MDGA2: variants seen among roughly 807,000 people sequenced by gnomAD.
MDGA2 encodes the protein MAM domain-containing glycosylphosphatidylinositol anchor protein 2.
A neutral mutation model predicts 117.8 loss-of-function variants in MDGA2; 40 were observed. The ratio of observed to expected loss-of-function variants is 0.34; its 90% CI spans 0.26 to 0.44. The LOEUF (loss-of-function observed/expected upper bound fraction) is 0.44. Among genes scored for constraint, MDGA2 ranks in the 20% least tolerant of loss-of-function variants. MDGA2 has a pLI of 1.00. For synonymous variants in MDGA2, 452 were observed against 439.0 expected, an observed-to-expected ratio of 1.03 and a Z score of -0.37; for missense variants, 1,123 against 1,250.6, an observed-to-expected ratio of 0.90 and a Z score of 1.54.
At chr14:46,843,840 T>G (rs1006561910) in intron 16 of MDGA2, among the ~76,000 whole-genome samples, 2 of 152,182 alleles carry the variant, frequency 1.3e-5, no homozygotes, top group African/African-American at 4.8e-5. Context: ...CATGCTTTTG[T>G]ATGTGCTAAA....
At chr14:47,497,944 A>C (rs8020853) in intron 1 of MDGA2, among the ~76,000 whole-genome samples, 5,857 of 152,280 alleles carry the variant, frequency 0.038, 383 homozygotes, top group African/African-American at 0.13. Context: ...TTTAAAAATA[A>C]ATCACAAACA....
At chr14:47,282,706 A>C (rs557735269) in intron 2 of MDGA2, among the ~76,000 whole-genome samples, 3 of 149,060 alleles carry the variant, frequency 2.0e-5, no homozygotes, top group South Asian at 2.1e-4. Flanking sequence ...CAAAAAAAAA[A>C]ACAAAAAACA....
At chr14:47,341,575 T>C (rs939670789) in intron 1 of MDGA2, among the ~76,000 whole-genome samples, 1 of 152,204 alleles carries the variant, frequency 6.6e-6, no homozygotes, top group Non-Finnish European at 1.5e-5. Flanking sequence ...GTTACTTCAA[T>C]GCAAATAATA....
rs747120781 is a variant in MDGA2 at position 47,310,756 on chromosome 14, A to AAAAC, written c.281-9210_281-9207dup. On this transcript the variant is annotated intron_variant, in intron 1 of 16. Coordinates refer to ENST00000399232, the MANE Select transcript of MDGA2 (RefSeq NM_001113498.3). ...TCTTGGCAACTAGGTCATAGAGTATAAAACAAACAAACAAACAAGAAAGCT... is the reference window on the plus strand; with the variant it reads ...TCTTGGCAACTAGGTCATAGAGTATAAAACAAACAAACAAACAAACAAGAAAGCT... Among the ~76,000 whole-genome samples, 3 of 152,138 alleles carry AAAAC rather than the reference A, an allele frequency of 2.0e-5. No homozygotes were observed. The South Asian group carries it at 6.2e-4, about 31-fold the overall frequency.
intron 1 of MDGA2, among the ~76,000 whole-genome samples, chr14:47,374,933 T>G (rs186070301): frequency 2.4e-4 from 37 of 152,174 alleles, no homozygotes; most frequent in African/African-American, 8.9e-4. Flanking sequence ...TCCCTACAAC[T>G]AATCATTTAC....
At chr14:47,536,682 T>C (rs56086718) in intron 1 of MDGA2, among the ~76,000 whole-genome samples, 4 of 152,244 alleles carry the variant, frequency 2.6e-5, no homozygotes, top group Non-Finnish European at 1.5e-5. Context: ...TACTAACTTT[T>C]TTTTTCCTTT....
intron 9 of MDGA2, among the ~76,000 whole-genome samples, chr14:46,953,208 C>T (rs988065567): frequency 6.8e-6 from 1 of 146,812 alleles, no homozygotes; most frequent in Non-Finnish European, 1.5e-5. Flanking sequence ...AAATACATTC[C>T]TGACTGTAAA....
At chr14:47,389,615 CA>C (rs780348783) in intron 1 of MDGA2, among the ~76,000 whole-genome samples, 39,759 of 117,336 alleles carry the variant, frequency 0.34, 5,448 homozygotes, top group East Asian at 0.58. Flanking sequence ...CCCACACACA[CA>C]CACACACACA....
chr14:47,177,023 T>C (rs1594698086), intron 3 of MDGA2, among the ~76,000 whole-genome samples: 1 of 151,750 alleles, frequency 6.6e-6, no homozygotes, highest in African/African-American at 2.4e-5. Context: ...AAAGAAGACA[T>C]TTATGCAGCC....
At chr14:47,344,140 A>C (rs1890711295) in intron 1 of MDGA2, among the ~76,000 whole-genome samples, 1 of 152,118 alleles carries the variant, frequency 6.6e-6, no homozygotes, top group South Asian at 2.1e-4. Flanking sequence ...CATTTATCAA[A>C]AACATTTCTT....
At chr14:47,500,759 CAATTCATTA>C (rs1282798881) in intron 1 of MDGA2, among the ~76,000 whole-genome samples, 3 of 151,930 alleles carry the variant, frequency 2.0e-5, no homozygotes, top group African/African-American at 7.3e-5. Context: ...TTAATAGAAC[CAATTCATTA>C]CAACTGTAGT....
intron 1 of MDGA2, among the ~76,000 whole-genome samples, chr14:47,610,600 C>T (rs1375827534): frequency 3.3e-5 from 5 of 151,494 alleles, no homozygotes; most frequent in Admixed American, 2.0e-4. Context: ...ACAACAACAA[C>T]AAAAACTTAG....
chr14:46,998,531 T>C (rs1594510771), intron 8 of MDGA2, among the ~76,000 whole-genome samples: 1 of 152,158 alleles, frequency 6.6e-6, no homozygotes, highest in Non-Finnish European at 1.5e-5. Flanking sequence ...TTTGCATTTC[T>C]GAATCCAGTA....
At chr14:47,196,311 AG>A (rs1885287094) in intron 3 of MDGA2, among the ~76,000 whole-genome samples, 1 of 152,150 alleles carries the variant, frequency 6.6e-6, no homozygotes, top group Non-Finnish European at 1.5e-5. Context: ...AATAGTAAAG[AG>A]GTTCTCAGTG....
At chr14:47,622,416 T>C (rs1339121033) in intron 1 of MDGA2, among the ~76,000 whole-genome samples, 3 of 152,240 alleles carry the variant, frequency 2.0e-5, no homozygotes, top group African/African-American at 4.8e-5. Context: ...TAAGGATATG[T>C]GTCCTCCAGT....
chr14:47,229,505 C>G (rs186414890), intron 2 of MDGA2, among the ~76,000 whole-genome samples: 69 of 151,980 alleles, frequency 4.5e-4, no homozygotes, highest in African/African-American at 1.6e-3. Flanking sequence ...TAAAAATACA[C>G]AAATACATTT....
At chr14:46,975,948 T>C (rs949873014) in intron 8 of MDGA2, among the ~76,000 whole-genome samples, 19 of 152,110 alleles carry the variant, frequency 1.2e-4, no homozygotes, top group African/African-American at 4.3e-4. Context: ...TCTGACCTCA[T>C]GACCTAACCA....
intron 1 of MDGA2, among the ~76,000 whole-genome samples, chr14:47,386,798 G>A (rs1038908414): frequency 6.6e-6 from 1 of 152,144 alleles, no homozygotes; most frequent in African/African-American, 2.4e-5. Flanking sequence ...CAGACTATCT[G>A]TGAGCATAAA....
At chr14:47,544,411 C>T (rs1487995190) in intron 1 of MDGA2, among the ~76,000 whole-genome samples, 1 of 152,008 alleles carries the variant, frequency 6.6e-6, no homozygotes, top group Non-Finnish European at 1.5e-5. Flanking sequence ...CAGGAAAGCT[C>T]AATGTGAGGT....
Sources: allele counts gnomAD v4.1 joint callset (sites outside exome capture counted in the v4.1 genomes callset), GRCh38; gene constraint gnomAD v4.1.1; transcripts MANE v1.5; gene names NCBI Gene and HGNC (gene_info 2026-07-23, HGNC 2026-07-21).